Variants in CMIP observed in about 807,000 individuals in gnomAD.
CMIP encodes the protein C-Maf-inducing protein.
In CMIP, 13 loss-of-function variants were observed where a neutral mutation model predicts 97.3. The observed-to-expected ratio is 0.13, with a 90% CI of 0.09 to 0.21. The LOEUF is 0.21. CMIP is among the 10% of genes least tolerant of loss of function. The pLI is 1.00. For synonymous variants in CMIP, 538 were observed against 436.3 expected (o/e 1.23, Z -2.91); for missense variants, 847 against 1,024.9 (o/e 0.83, Z 2.37).
Position 81,493,055 on chromosome 16 carries a change from G to A in CMIP, c.300+47514G>A, listed in dbSNP as rs72836919. Among the ~76,000 whole-genome samples the A allele has an allele frequency of 3.5e-3, 530 of 152,276 alleles. 2 individuals are homozygous for A. Among genetic ancestry groups the A allele is most frequent in the Non-Finnish European group, 4.9e-3 (331 of 67,998 alleles). On this transcript the variant is annotated intron_variant, in intron 1 of 20. Transcript: ENST00000537098. ...CAGAATGCAGGGAGGAGCCGCTGGC[G>A]GGGGTCACTGGAAGCTTGATTCGGG... is the stretch of plus-strand genomic sequence containing the variant.
chr16:81,548,855 CA>C (rs1567572943), intron 1 of CMIP, among the ~76,000 whole-genome samples: 1 of 152,128 alleles, frequency 6.6e-6, no homozygotes, highest in Middle Eastern at 3.4e-3. Flanking sequence ...CTGAAAAAAA[CA>C]AAAAGGAAAA....
intron 1 of CMIP, among the ~76,000 whole-genome samples, chr16:81,577,702 A>G (rs2091220440): frequency 6.6e-6 from 1 of 151,090 alleles, no homozygotes. Flanking sequence ...CACTATCACC[A>G]TCACCATCAT....
At chr16:81,664,243 G>A (rs1259839099) in intron 6 of CMIP, 26 bp from the exon 7 acceptor site, 3 of 1,574,362 alleles carry the variant, frequency 1.9e-6, no homozygotes, top group Non-Finnish European at 2.6e-6. Context: ...TAGGGCCGCA[G>A]TAACTGTACC....
chr16:81,571,182 A>G (rs545924381), intron 1 of CMIP, among the ~76,000 whole-genome samples: 42 of 152,168 alleles, frequency 2.8e-4, no homozygotes, highest in Non-Finnish European at 5.1e-4. Flanking sequence ...GTTAAAGAAA[A>G]AAAGACAGGC....
intron 1 of CMIP, among the ~76,000 whole-genome samples, chr16:81,521,566 A>C (rs954670827): frequency 6.6e-6 from 1 of 152,130 alleles, no homozygotes; most frequent in African/African-American, 2.4e-5. Context: ...GCGTCACCTG[A>C]GGGGAGGGTG....
intron 1 of CMIP, among the ~76,000 whole-genome samples, chr16:81,533,445 A>G (rs927534184): frequency 2.0e-5 from 3 of 152,120 alleles, no homozygotes; most frequent in Non-Finnish European, 4.4e-5. Context: ...ATGATTTTTT[A>G]TATTATTGTC....
chr16:81,467,392 C>T lies in CMIP; in HGVS notation c.300+21851C>T, dbSNP rs183048231. On this transcript the variant is annotated intron_variant, in intron 1 of 20. Transcript: ENST00000537098. ...TGCCCCCAGCAGCGGTGCCTCTCCC[C>T]CTCTGTGAGGCTCCCCTCAGTTTCT... 2.2e-3 allele frequency among the ~76,000 whole-genome samples: 341 copies of T among 152,264 alleles called. 1 individual carries two copies. Among genetic ancestry groups the T allele is most frequent in the South Asian group, 0.016 (79 of 4,832 alleles).
chr16:81,587,979 C>T (rs2091409470), intron 1 of CMIP, among the ~76,000 whole-genome samples: 1 of 152,190 alleles, frequency 6.6e-6, no homozygotes, highest in Non-Finnish European at 1.5e-5. Flanking sequence ...CAGGAACGGT[C>T]AGGGATTTCC....
intron 3 of CMIP, among the ~76,000 whole-genome samples, chr16:81,628,520 A>T (rs1055112194): frequency 6.6e-6 from 1 of 152,088 alleles, no homozygotes; most frequent in Admixed American, 6.5e-5. Context: ...CTTTTTACTG[A>T]TGTGGAAACT....
chr16:81,523,688 G>T (rs570075130), intron 1 of CMIP, among the ~76,000 whole-genome samples: 2 of 152,348 alleles, frequency 1.3e-5, no homozygotes, highest in East Asian at 3.9e-4. Flanking sequence ...GAACCAAGAG[G>T]ACAGCATCTT....
At chr16:81,580,878 G>GT (rs1239287811) in intron 1 of CMIP, among the ~76,000 whole-genome samples, 2 of 152,106 alleles carry the variant, frequency 1.3e-5, no homozygotes, top group African/African-American at 2.4e-5. Flanking sequence ...ATCTAATTCC[G>GT]AAACCTCTTC....
At position 81,566,436 on chromosome 16, in the gene CMIP, C is replaced by G. The variant is rs559171305; in HGVS notation, c.301-41131C>G. Among the ~76,000 whole-genome samples the G allele has an allele frequency of 3.9e-5, 6 of 152,326 alleles. No individual in the cohort carries two copies. The South Asian group carries it at 1.2e-3, about 32-fold the overall frequency. ...AGGCAGGTCCTGCTCATGGTGCCCACCCATGCTACACTGGGTGAGGAGGTC... is the reference window on the plus strand; with the variant it reads ...AGGCAGGTCCTGCTCATGGTGCCCAGCCATGCTACACTGGGTGAGGAGGTC... On this transcript the variant is annotated intron_variant, in intron 1 of 20. Coordinates refer to ENST00000537098, the MANE Select transcript of CMIP (RefSeq NM_198390.3).
At chr16:81,562,171 G>T (rs11646595) in intron 1 of CMIP, among the ~76,000 whole-genome samples, 15 of 152,188 alleles carry the variant, frequency 9.9e-5, no homozygotes, top group Admixed American at 2.0e-4. Context: ...GCCAACCGTT[G>T]TAAGTTACAT....
At chr16:81,477,800 G>T (rs1430016370) in intron 1 of CMIP, among the ~76,000 whole-genome samples, 2 of 152,226 alleles carry the variant, frequency 1.3e-5, no homozygotes, top group Non-Finnish European at 2.9e-5. Context: ...GCCAAGAGAG[G>T]CTCAAGTTCC....
intron 20 of CMIP, among the ~76,000 whole-genome samples, chr16:81,707,477 TG>T (rs1282380828): frequency 1.3e-5 from 2 of 151,974 alleles, no homozygotes; most frequent in Admixed American, 6.6e-5. Flanking sequence ...TGGGGCCGGA[TG>T]GAAAAAGCCC....
chr16:81,446,534 T>TG (rs34404914), intron 1 of CMIP, among the ~76,000 whole-genome samples: 2 of 151,832 alleles, frequency 1.3e-5, no homozygotes, highest in Non-Finnish European at 2.9e-5. Context: ...AGGCTTGCCG[T>TG]GGGGGTCCCA....
chr16:81,606,173 G>A (rs547383162), intron 1 of CMIP, among the ~76,000 whole-genome samples: 31 of 152,298 alleles, frequency 2.0e-4, no homozygotes, highest in South Asian at 6.2e-4. Flanking sequence ...TTCTGATTCC[G>A]GAGTCAGATG....
rs1193870385 is a variant in CMIP at position 81,621,066 on chromosome 16, C to G, written c.477+140C>G. The stretch of plus-strand genomic sequence containing the variant: ...CAGCTGAGGAACTTTGTTCCCCTAC[C>G]TAAGAGCCCCTGGCCCTTCGTCCTC... On this transcript the variant is annotated intron_variant, in intron 3 of 20. Coordinates refer to ENST00000537098, the MANE Select transcript of CMIP (RefSeq NM_198390.3). The surrounding 1 kb of genome is among the most constrained non-coding windows in gnomAD (Gnocchi z 4.1). 2.1e-6 allele frequency: 2 copies of G among 944,216 alleles called. No individual in the cohort carries two copies. The highest frequency in any genetic ancestry group is 2.7e-5 in the East Asian group (1 of 37,470). 58.5% of individuals were successfully genotyped at this position (944,216 alleles called of 1,614,324 possible). A position where few individuals can be genotyped will look rare whatever the true frequency, so the allele number is the denominator to read the frequency against.
intron 1 of CMIP, among the ~76,000 whole-genome samples, chr16:81,484,600 A>G (rs528059819): frequency 6.6e-6 from 1 of 151,994 alleles, no homozygotes; most frequent in Non-Finnish European, 1.5e-5. Context: ...TAGTGGGGTC[A>G]TTGGGTAATC....
Sources: allele counts gnomAD v4.1 joint callset (sites outside exome capture counted in the v4.1 genomes callset), GRCh38; gene constraint gnomAD v4.1.1; non-coding constraint Gnocchi (gnomAD v3.1); transcripts MANE v1.5; gene names NCBI Gene and HGNC (gene_info 2026-07-23, HGNC 2026-07-21).